The following FAP variants were observed in gnomAD, a reference collection of about 807,000 sequenced individuals.
FAP encodes prolyl endopeptidase FAP.
FAP carries 110 observed loss-of-function variants against 126.5 expected under a neutral mutation model. The observed-to-expected ratio is 0.87, with a 90% CI of 0.74 to 1.02. The LOEUF (loss-of-function observed/expected upper bound fraction) is 1.02. Among genes scored for constraint, FAP ranks in the 50% least tolerant of loss-of-function variants. The probability of loss-of-function intolerance (pLI) is 0.00; values close to 1 mark genes in which losing one functional copy is unlikely to be tolerated. For missense variants in FAP, 919 were observed against 909.2 expected, an observed-to-expected ratio of 1.01 and a Z score of -0.14; for synonymous variants, 334 against 297.3, an observed-to-expected ratio of 1.12 and a Z score of -1.27.
intron 17 of FAP, chr2:162,193,428 T>A (rs1044507036): frequency 6.6e-6 from 1 of 152,160 alleles, no homozygotes; most frequent in African/African-American, 2.4e-5. Context: ...GTGAGTGAAG[T>A]AATAGAGCTT....
At chr2:162,194,070 T>C (rs942639770) in intron 17 of FAP, 1 of 152,178 alleles carries the variant, frequency 6.6e-6, no homozygotes, top group South Asian at 2.1e-4. Flanking sequence ...GTGAACTATT[T>C]TGAACCAATA....
intron 16 of FAP, chr2:162,197,620 T>C: frequency 2.2e-6 from 1 of 456,702 alleles, no homozygotes; most frequent in Non-Finnish European, 4.4e-6. Context: ...CTTATTCATG[T>C]CCACGTAGTC....
In FAP at chr2:162,174,985, G is replaced by A. The variant is rs370524634; in HGVS notation, c.1870-19C>T. The A allele has an allele frequency of 1.8e-5, 27 of 1,542,712 alleles. No individual in the cohort carries two copies. Among genetic ancestry groups the A allele is most frequent in the Non-Finnish European group, 2.2e-5 (25 of 1,116,430 alleles). On this transcript the variant is annotated intron_variant, in intron 21 of 25. Transcript: ENST00000188790. ...CATAGGACTGTAGAGACATTGTTAT[G>A]AGTCAGACTCAGATTTACTTTCATA... is the stretch of plus-strand genomic sequence containing the variant.
intron 12 of FAP, among the ~76,000 whole-genome samples, chr2:162,207,460 G>A (rs192511277): frequency 3.9e-5 from 6 of 152,192 alleles, no homozygotes; most frequent in African/African-American, 1.4e-4. Context: ...AAATGATCTG[G>A]CACAAAATCA....
intron 7 of FAP, among the ~76,000 whole-genome samples, chr2:162,219,542 G>A (rs767438999): frequency 6.6e-6 from 1 of 152,108 alleles, no homozygotes; most frequent in Non-Finnish European, 1.5e-5. Context: ...CAAATTTCAT[G>A]TTGTCTGAAG....
chr2:162,240,024 G>C (rs1324566444), intron 2 of FAP, among the ~76,000 whole-genome samples: 3 of 152,148 alleles, frequency 2.0e-5, no homozygotes, highest in Non-Finnish European at 4.4e-5. Context: ...AAGTCAAGGA[G>C]CTTAGTTTCC....
chr2:162,198,146 C>G, intron 16 of FAP: 2 of 1,268,946 alleles, frequency 1.6e-6, no homozygotes, highest in South Asian at 1.3e-5. Context: ...GATTTTATTA[C>G]TTATGGTTTG....
At chr2:162,233,621 C>T (rs924516772) in intron 2 of FAP, among the ~76,000 whole-genome samples, 2 of 151,858 alleles carry the variant, frequency 1.3e-5, no homozygotes, top group Admixed American at 1.3e-4. Flanking sequence ...AGATGCATGG[C>T]CTTTATCGAA....
At chr2:162,220,812 T>C (rs1689356479) in intron 6 of FAP, among the ~76,000 whole-genome samples, 1 of 152,168 alleles carries the variant, frequency 6.6e-6, no homozygotes. Flanking sequence ...CATGCTTACT[T>C]TTTGACTTTT....
chr2:162,192,501 C>G (rs1688085498), intron 17 of FAP, among the ~76,000 whole-genome samples: 1 of 152,102 alleles, frequency 6.6e-6, no homozygotes, highest in African/African-American at 2.4e-5. Context: ...ATGTTCCACA[C>G]AGTTTCGTTG....
chr2:162,219,872 G>C lies in FAP; in HGVS notation c.467C>G (p.Ser156Trp). Residue 156 changes from serine (S) to tryptophan (W), a missense_variant, in exon 7 of 26, where the codon TCG (serine) becomes TGG (tryptophan). By Grantham distance (177) the Ser-to-Trp change is radical (BLOSUM62 -3). Coordinates refer to ENST00000188790, the MANE Select transcript of FAP (RefSeq NM_004460.5). ...LPRPIQYLCW[S>W]PVGSKLAYVY... ...ACTTACTAATTTACTCCCAACAGGC[G>C]ACCAGCATAAATACTGAATTGGACG... The C allele has an allele frequency of 2.5e-6, 4 of 1,610,426 alleles. No individual in the cohort carries two copies. Among genetic ancestry groups the C allele is most frequent in the Non-Finnish European group, 3.4e-6 (4 of 1,177,156 alleles).
In FAP at chr2:162,226,556, A is replaced by G. The variant is rs1176671210; in HGVS notation, c.157T>C (p.Ser53Pro). ...CAGTTTGGAAAAAATGTTTTATAAG[A>G]AAATGTTCCATTTAAAATATCCTTC... ...TLKDILNGTF[S>P]YKTFFPNWIS... Residue 53 changes from serine (S) to proline (P), a missense_variant, in exon 3 of 26, where the codon TCT (serine) becomes CCT (proline). By Grantham distance (74) the Ser-to-Pro change is moderately conservative. Coordinates refer to ENST00000188790, the MANE Select transcript of FAP (RefSeq NM_004460.5). 36 of 1,594,060 alleles carry G rather than the reference A, an allele frequency of 2.3e-5. No homozygotes were observed. Among genetic ancestry groups the G allele is most frequent in the Non-Finnish European group, 3.0e-5 (35 of 1,167,586 alleles).
chr2:162,172,717 T>A (rs1687355021), intron 25 of FAP, 94 bp downstream of exon 25: 7 of 794,454 alleles, frequency 8.8e-6, no homozygotes, highest in Middle Eastern at 2.3e-4. Context: ...TTTGTCAGAT[T>A]TTACTTTAAA....
At chr2:162,190,678 T>C (rs1688013010) in intron 17 of FAP, among the ~76,000 whole-genome samples, 1 of 152,118 alleles carries the variant, frequency 6.6e-6, no homozygotes, top group South Asian at 2.1e-4. Flanking sequence ...GTTTTAGCTT[T>C]ATATTTTAAA....
At chr2:162,178,539 G>T (rs1001340208) in intron 21 of FAP, among the ~76,000 whole-genome samples, 1 of 152,170 alleles carries the variant, frequency 6.6e-6, no homozygotes, top group South Asian at 2.1e-4. Context: ...AAATCGCCCG[G>T]TTAACAACCA....
At chr2:162,235,220 G>T (rs1414754992) in intron 2 of FAP, among the ~76,000 whole-genome samples, 2 of 150,578 alleles carry the variant, frequency 1.3e-5, no homozygotes, top group Non-Finnish European at 3.0e-5. Context: ...CTCCTGCACG[G>T]CCTGAGCCTC....
Position 162,224,451 on chromosome 2 carries a change from T to C in FAP, c.360+15A>G. On this transcript the variant is annotated intron_variant, in intron 5 of 25. Transcript: ENST00000188790. ...GGAGATACAATTGGATATAACCAAATTAAATAGTTGATACCTTTGAATAAT... is the reference window on the plus strand; with the variant it reads ...GGAGATACAATTGGATATAACCAAACTAAATAGTTGATACCTTTGAATAAT... 1 of 1,512,822 alleles carries C rather than the reference T, an allele frequency of 6.6e-7. No homozygotes were observed. Among genetic ancestry groups the C allele is most frequent in the Admixed American group, 2.0e-5 (1 of 50,506 alleles). 93.7% of individuals were successfully genotyped at this position (1,512,822 alleles called of 1,614,324 possible). A position where few individuals can be genotyped will look rare whatever the true frequency, so the allele number is the denominator to read the frequency against.
rs529078289 is a variant in FAP at position 162,177,398 on chromosome 2, C to T, written c.1870-2432G>A. Among the ~76,000 whole-genome samples the T allele has an allele frequency of 4.6e-5, 7 of 152,188 alleles. No individual in the cohort carries two copies. The East Asian group carries it at 1.2e-3, about 25-fold the overall frequency. ...TTTATGGTCTCACACAATCTGTCTC[C>T]ATTCTCCCACCTCACTTCTCCCCTT... On this transcript the variant is annotated intron_variant, in intron 21 of 25. Transcript: ENST00000188790.
At chr2:162,226,669 C>A in intron 2 of FAP, 48 bp from the exon 3 acceptor site, 1 of 1,019,880 alleles carries the variant, frequency 9.8e-7, no homozygotes. Flanking sequence ...AGGTTAACAA[C>A]TCAAATAAAT....
Sources: allele counts gnomAD v4.1 joint callset (sites outside exome capture counted in the v4.1 genomes callset), GRCh38; gene constraint gnomAD v4.1.1; transcripts MANE v1.5; gene names NCBI Gene and HGNC (gene_info 2026-07-23, HGNC 2026-07-21).